The following CALCR variants were observed in gnomAD, a reference collection of about 807,000 sequenced individuals.
The protein encoded by CALCR is calcitonin receptor.
Under a neutral mutation model 59.5 loss-of-function variants are expected in CALCR, and 47 were observed. The observed-to-expected ratio is 0.79, with a 90% CI of 0.63 to 1.01. The LOEUF is 1.01. Ranked by LOEUF, CALCR falls within the 50% of genes least tolerant of loss-of-function variation. CALCR has a pLI of 0.00. For missense variants in CALCR, 566 were observed against 597.1 expected (o/e 0.95, Z 0.54); for synonymous variants, 213 against 211.3 (o/e 1.01, Z -0.07).
chr7:93,550,263 G>C (rs1483761060), intron 2 of CALCR, among the ~76,000 whole-genome samples: 1 of 151,916 alleles, frequency 6.6e-6, no homozygotes, highest in African/African-American at 2.4e-5. Context: ...GCTGAGGCAG[G>C]TAAATCACCT....
At chr7:93,487,373 C>T (rs1238991232) in intron 2 of CALCR, among the ~76,000 whole-genome samples, 1 of 151,418 alleles carries the variant, frequency 6.6e-6, no homozygotes, top group Non-Finnish European at 1.5e-5. Flanking sequence ...CAAGAAGTCA[C>T]CTCACTGGAC....
intron 9 of CALCR, among the ~76,000 whole-genome samples, chr7:93,440,408 C>G (rs1440258522): frequency 6.6e-6 from 1 of 151,980 alleles, no homozygotes. Context: ...TTCCTCCCAT[C>G]CAAAGATAAT....
At chr7:93,485,968 T>C (rs1246784653) in intron 3 of CALCR, among the ~76,000 whole-genome samples, 1 of 151,618 alleles carries the variant, frequency 6.6e-6, no homozygotes, top group Non-Finnish European at 1.5e-5. Context: ...ATTTATGAAA[T>C]ACTAGCAATA....
At chr7:93,493,559 T>A (rs559122000) in intron 2 of CALCR, among the ~76,000 whole-genome samples, 1 of 151,386 alleles carries the variant, frequency 6.6e-6, no homozygotes, top group Non-Finnish European at 1.5e-5. Flanking sequence ...CCAGTTTCCC[T>A]GCTTCAAGTT....
At chr7:93,438,905 A>G (rs1584537057) in intron 9 of CALCR, among the ~76,000 whole-genome samples, 1 of 152,170 alleles carries the variant, frequency 6.6e-6, no homozygotes, top group African/African-American at 2.4e-5. Flanking sequence ...TGCTAGTAAA[A>G]AAAAAAAAAC....
rs1294404822 is a variant in CALCR, at chr7:93,438,092, T to C, written c.898A>G (p.Ile300Val). 5 of 1,613,974 alleles carry C rather than the reference T, an allele frequency of 3.1e-6. No individual in the cohort carries two copies. The highest frequency in any genetic ancestry group is 1.7e-5 in the Admixed American group (1 of 59,992). Residue 300 changes from isoleucine to valine, a missense_variant, in exon 11 of 14, where the codon ATA (isoleucine) becomes GTA (valine). Ile to Val is a conservative substitution (Grantham distance 29). Transcript: ENST00000426151. ...WLSVETHLLY[I>V]IHGPVMAALV... ...GCCGCCATGACAGGTCCATGGATTATGTAAAGCAAATGGGTTTCCACACTC... is the reference window on the plus strand; with the variant it reads ...GCCGCCATGACAGGTCCATGGATTACGTAAAGCAAATGGGTTTCCACACTC...
chr7:93,428,210 G>T (rs1303037040), intron 13 of CALCR, among the ~76,000 whole-genome samples: 2 of 152,148 alleles, frequency 1.3e-5, no homozygotes, highest in African/African-American at 4.8e-5. Context: ...ACTAAGTACC[G>T]TATCATAAGT....
chr7:93,475,565 T>A (rs16868403), intron 5 of CALCR, among the ~76,000 whole-genome samples: 7,327 of 151,794 alleles, frequency 0.048, 606 homozygotes, highest in African/African-American at 0.17. Flanking sequence ...ATAAAATGAA[T>A]GTAATTTGGT....
chr7:93,560,126 T>A (rs1427266012), intron 2 of CALCR, among the ~76,000 whole-genome samples: 1 of 152,104 alleles, frequency 6.6e-6, no homozygotes, highest in African/African-American at 2.4e-5. Context: ...GAAAAGAAAC[T>A]GTTTTTCCTT....
At chr7:93,479,134 T>C (rs1800736285) in intron 4 of CALCR, among the ~76,000 whole-genome samples, 1 of 151,898 alleles carries the variant, frequency 6.6e-6, no homozygotes, top group Non-Finnish European at 1.5e-5. Context: ...GCGGTAATTT[T>C]ATCATGAGGG....
intron 2 of CALCR, among the ~76,000 whole-genome samples, chr7:93,524,198 T>C (rs1033875371): frequency 6.6e-6 from 1 of 150,872 alleles, no homozygotes; most frequent in African/African-American, 2.4e-5. Flanking sequence ...TGAGACGAGT[T>C]TCGCTCTGTT....
At chr7:93,530,316 A>G (rs972865152) in intron 2 of CALCR, among the ~76,000 whole-genome samples, 1 of 152,106 alleles carries the variant, frequency 6.6e-6, no homozygotes, top group Non-Finnish European at 1.5e-5. Flanking sequence ...AACTACCATT[A>G]ATAGATTATA....
intron 8 of CALCR, among the ~76,000 whole-genome samples, chr7:93,455,924 A>G (rs1163628733): frequency 6.6e-6 from 1 of 152,116 alleles, no homozygotes; most frequent in African/African-American, 2.4e-5. Context: ...TCAAGGATGA[A>G]TAATGTATAA....
At chr7:93,523,454 C>CAGAG (rs1295634741) in intron 2 of CALCR, among the ~76,000 whole-genome samples, 2 of 152,122 alleles carry the variant, frequency 1.3e-5, no homozygotes. Context: ...TTATCGAGGG[C>CAGAG]AGAGACTGTG....
At chr7:93,436,313 T>A (rs988421489) in intron 11 of CALCR, 143 bp from the exon 12 acceptor site, 1 of 665,866 alleles carries the variant, frequency 1.5e-6, no homozygotes, top group Non-Finnish European at 2.6e-6. Context: ...GGTAGCACAA[T>A]TGGCTCAGCA....
chr7:93,436,378 A>G (rs1053597146), intron 11 of CALCR, among the ~76,000 whole-genome samples: 6 of 152,144 alleles, frequency 3.9e-5, no homozygotes, highest in Admixed American at 3.3e-4. Context: ...GCAGTATATA[A>G]AACAGTTCCA....
chr7:93,509,347 T>C (rs575122182), intron 2 of CALCR, among the ~76,000 whole-genome samples: 27 of 152,248 alleles, frequency 1.8e-4, no homozygotes, highest in African/African-American at 3.9e-4. Flanking sequence ...ATTAGAAATA[T>C]ATTATCTGGA....
At chr7:93,521,516 A>G (rs1045495861) in intron 2 of CALCR, among the ~76,000 whole-genome samples, 34 of 152,174 alleles carry the variant, frequency 2.2e-4, no homozygotes, top group African/African-American at 7.0e-4. Flanking sequence ...ACATCCTCTA[A>G]TCAGGAAGCT....
At chr7:93,443,551 GC>G in intron 9 of CALCR, 52 bp downstream of exon 9, 5 of 1,536,404 alleles carry the variant, frequency 3.3e-6, no homozygotes, top group Non-Finnish European at 4.5e-6. Flanking sequence ...AAGACTGAAA[GC>G]ATACAGACAG....
Sources: gnomAD v4.1 joint callset for allele counts (sites outside exome capture counted in the v4.1 genomes callset) on GRCh38, gnomAD v4.1.1 for gene constraint, MANE v1.5 for transcripts, NCBI Gene and HGNC (gene_info 2026-07-23, HGNC 2026-07-21) for gene names.